Variants in PCDH9 observed in about 807,000 individuals in gnomAD.
PCDH9 encodes protocadherin 9.
In PCDH9, 24 loss-of-function variants were observed where a neutral mutation model predicts 70.6. The observed-to-expected ratio is 0.34, with a 90% CI of 0.25 to 0.48. The LOEUF (loss-of-function observed/expected upper bound fraction) is 0.48. Ranked by LOEUF, PCDH9 falls within the 20% of genes least tolerant of loss-of-function variation. The probability of loss-of-function intolerance (pLI) is 0.99; values close to 1 mark genes in which losing one functional copy is unlikely to be tolerated. For missense variants in PCDH9, 1,281 were observed against 1,503.6 expected (o/e 0.85, Z 2.45); for synonymous variants, 562 against 558.5 (o/e 1.01, Z -0.09).
At chr13:66,361,110 T>C (rs1956464095) in intron 4 of PCDH9, among the ~76,000 whole-genome samples, 1 of 152,088 alleles carries the variant, frequency 6.6e-6, no homozygotes, top group Admixed American at 6.6e-5. Flanking sequence ...CAGTGGGGCA[T>C]TGACTATAGA....
chr13:67,154,595 A>AAAAATATATATATATATAT (rs1555313195), intron 2 of PCDH9, among the ~76,000 whole-genome samples: 8 of 88,992 alleles, frequency 9.0e-5, no homozygotes, highest in African/African-American at 3.6e-4. Flanking sequence ...AAAAAAAAAA[A>AAAAATATATATATATATAT]ATATATATAT....
intron 4 of PCDH9, among the ~76,000 whole-genome samples, chr13:66,372,265 C>T (rs1214859495): frequency 2.0e-5 from 3 of 151,560 alleles, no homozygotes; most frequent in Non-Finnish European, 4.4e-5. Context: ...GAAGAAAAAT[C>T]AATAAAGTGA....
At chr13:67,122,971 G>A (rs957484888) in intron 2 of PCDH9, among the ~76,000 whole-genome samples, 24 of 151,912 alleles carry the variant, frequency 1.6e-4, no homozygotes, top group African/African-American at 5.8e-4. Context: ...CACAGACATT[G>A]AAAATAGTCA....
At chr13:67,187,344 G>A (rs2088784611) in intron 2 of PCDH9, among the ~76,000 whole-genome samples, 1 of 152,116 alleles carries the variant, frequency 6.6e-6, no homozygotes, top group Non-Finnish European at 1.5e-5. Context: ...TAGAGGAAAG[G>A]CAGAGTATAG....
At chr13:67,053,149 G>GA (rs1473948396) in intron 2 of PCDH9, among the ~76,000 whole-genome samples, 3 of 151,810 alleles carry the variant, frequency 2.0e-5, no homozygotes, top group Non-Finnish European at 2.9e-5. Flanking sequence ...TCTACAAGCA[G>GA]AAAAAAATGG....
At chr13:67,068,392 T>C (rs991573087) in intron 2 of PCDH9, among the ~76,000 whole-genome samples, 1 of 152,076 alleles carries the variant, frequency 6.6e-6, no homozygotes. Flanking sequence ...ATAATCTGGA[T>C]ATGTAAAGGT....
intron 2 of PCDH9, among the ~76,000 whole-genome samples, chr13:66,951,239 A>C (rs1325152350): frequency 2.6e-5 from 4 of 152,056 alleles, no homozygotes; most frequent in African/African-American, 4.8e-5. Context: ...TTTTTGTAAT[A>C]ATGTAAATAG....
chr13:66,892,441 C>T (rs2082112175), intron 3 of PCDH9, among the ~76,000 whole-genome samples: 2 of 151,756 alleles, frequency 1.3e-5, no homozygotes, highest in African/African-American at 4.8e-5. Flanking sequence ...GCCTGACATC[C>T]AAAATTTAGC....
chr13:66,797,960 G>GGTGTGT (rs368524616), intron 3 of PCDH9, among the ~76,000 whole-genome samples: 1 of 147,166 alleles, frequency 6.8e-6, no homozygotes, highest in Non-Finnish European at 1.5e-5. Flanking sequence ...TTTCTTGGGG[G>GGTGTGT]GTGTGTGTGT....
chr13:66,751,877 G>C (rs1359754565), intron 3 of PCDH9, among the ~76,000 whole-genome samples: 1 of 152,214 alleles, frequency 6.6e-6, no homozygotes, highest in African/African-American at 2.4e-5. Flanking sequence ...GCAGTGAAAA[G>C]TGAAACCAGT....
intron 2 of PCDH9, among the ~76,000 whole-genome samples, chr13:67,116,826 A>G (rs2086785901): frequency 6.6e-6 from 1 of 152,154 alleles, no homozygotes. Context: ...CCCCAAAGCA[A>G]CAACAAACGC....
At chr13:66,782,632 T>C (rs1225351740) in intron 3 of PCDH9, 3 of 152,186 alleles carry the variant, frequency 2.0e-5, no homozygotes. Context: ...TTAAAATCAA[T>C]TAATTACAAT....
chr13:66,978,397 C>T (rs2083665122), intron 2 of PCDH9: 1 of 151,564 alleles, frequency 6.6e-6, no homozygotes, highest in African/African-American at 2.4e-5. Flanking sequence ...AAAATAAAAG[C>T]AATTGCAATT....
intron 4 of PCDH9, among the ~76,000 whole-genome samples, chr13:66,424,739 C>T (rs904746728): frequency 6.6e-6 from 1 of 151,878 alleles, no homozygotes; most frequent in African/African-American, 2.4e-5. Context: ...GAAACAATTT[C>T]GTCTGAGATG....
At chr13:66,570,319 C>G (rs2076715752) in intron 4 of PCDH9, among the ~76,000 whole-genome samples, 1 of 151,966 alleles carries the variant, frequency 6.6e-6, no homozygotes, top group Non-Finnish European at 1.5e-5. Context: ...ATGAGAGATT[C>G]CGGTGTTGGA....
At chr13:66,498,289 C>T (rs184211434) in intron 4 of PCDH9, among the ~76,000 whole-genome samples, 10 of 152,132 alleles carry the variant, frequency 6.6e-5, no homozygotes, top group Admixed American at 3.9e-4. Context: ...GGACTACAGG[C>T]GCCCACCACC....
chr13:66,320,587 GT>G (rs1955736666), intron 4 of PCDH9, among the ~76,000 whole-genome samples: 2 of 151,972 alleles, frequency 1.3e-5, no homozygotes, highest in African/African-American at 4.8e-5. Context: ...ACTCCCAAAT[GT>G]TCTCCCTTTC....
At position 66,304,833 on chromosome 13, in the gene PCDH9, A is replaced by G. The variant is rs1378885601; in HGVS notation, c.3536T>C (p.Leu1179Pro). 6.2e-7 allele frequency: 1 copy of G among 1,613,550 alleles called. No homozygotes were observed. The highest frequency in any genetic ancestry group is 8.5e-7 in the Non-Finnish European group (1 of 1,179,730). ...GCTGTCTTCTTTCCAGGCTCTGGTC[A>G]GGGTGTGCCCATTCACAAGCTTGTC... is the stretch of plus-strand genomic sequence containing the variant. ...KKDKLVNGHT[L>P]TRAWKEDSNR... Residue 1179 changes from leucine to proline, a missense_variant, in exon 5 of 5, where the codon CTG becomes CCG. This residue lies in a region of PCDH9 where 264 missense variants were observed against 278.8 expected (regional missense o/e 0.95). Transcript: ENST00000377865.
At chr13:66,346,210 G>A (rs1956211271) in intron 4 of PCDH9, among the ~76,000 whole-genome samples, 1 of 152,036 alleles carries the variant, frequency 6.6e-6, no homozygotes, top group Admixed American at 6.6e-5. Context: ...TTTTCTTGAA[G>A]TAGGAACAAA....
Sources: allele counts gnomAD v4.1 joint callset (sites outside exome capture counted in the v4.1 genomes callset), GRCh38; gene constraint gnomAD v4.1.1; regional missense constraint gnomAD v4.1.1; transcripts MANE v1.5; gene names NCBI Gene and HGNC (gene_info 2026-07-23, HGNC 2026-07-21).